The following CDH13 variants were observed in gnomAD, a reference collection of about 807,000 sequenced individuals.
CDH13 encodes the protein cadherin 13, also known as cadherin-13.
In CDH13, 24 loss-of-function variants were observed where a neutral mutation model predicts 63.8. The observed-to-expected ratio is 0.38, with a 90% CI of 0.27 to 0.53. The LOEUF is 0.53. Among genes scored for constraint, CDH13 ranks in the 20% least tolerant of loss-of-function variants. The probability of loss-of-function intolerance (pLI) is 0.85; values close to 1 mark genes in which losing one functional copy is unlikely to be tolerated. For missense variants in CDH13, 1,049 were observed against 903.1 expected (o/e 1.16, Z -2.07); for synonymous variants, 503 against 355.3 (o/e 1.42, Z -4.67).
intron 4 of CDH13, among the ~76,000 whole-genome samples, chr16:83,155,937 G>A (rs768243915): frequency 5.1e-4 from 77 of 152,176 alleles, no homozygotes; most frequent in Non-Finnish European, 8.8e-4. Context: ...AGTGACCCTG[G>A]AATCTTTGGG....
intron 6 of CDH13, among the ~76,000 whole-genome samples, chr16:83,426,010 T>C (rs1217925721): frequency 6.6e-6 from 1 of 152,212 alleles, no homozygotes; most frequent in Non-Finnish European, 1.5e-5. Context: ...GCAGTAGGGT[T>C]TCTTTTTAAG....
chr16:83,342,843 GTTTTTTTT>G (rs778316746), intron 5 of CDH13, among the ~76,000 whole-genome samples: 1 of 65,302 alleles, frequency 1.5e-5, no homozygotes, highest in African/African-American at 6.4e-5. Context: ...TTTTGTTTCT[GTTTTTTTT>G]TTTTTTTTTT....
chr16:83,454,098 G>C (rs976615247), intron 6 of CDH13, among the ~76,000 whole-genome samples: 1 of 152,168 alleles, frequency 6.6e-6, no homozygotes, highest in Non-Finnish European at 1.5e-5. Context: ...TGCATGTTCC[G>C]TGAAACACTA....
intron 7 of CDH13, among the ~76,000 whole-genome samples, chr16:83,546,312 C>A (rs550415568): frequency 6.6e-6 from 1 of 152,166 alleles, no homozygotes; most frequent in East Asian, 1.9e-4. Context: ...GTACTTTGTC[C>A]GGAATTCATG....
At chr16:83,203,962 G>A (rs938034909) in intron 4 of CDH13, among the ~76,000 whole-genome samples, 3 of 152,184 alleles carry the variant, frequency 2.0e-5, no homozygotes, top group African/African-American at 7.2e-5. Flanking sequence ...AGTTAAAGAT[G>A]TTCCTGCCAA....
intron 2 of CDH13, among the ~76,000 whole-genome samples, chr16:82,890,649 T>C: frequency 9.6e-6 from 1 of 104,204 alleles, no homozygotes; most frequent in Non-Finnish European, 2.0e-5. Context: ...TGAGAGACAT[T>C]CTTTTTTTTT....
chr16:82,682,728 G>C (rs1373628911), intron 1 of CDH13, among the ~76,000 whole-genome samples: 1 of 152,182 alleles, frequency 6.6e-6, no homozygotes, highest in East Asian at 1.9e-4. Flanking sequence ...TGCTAATGGA[G>C]ATAATTAATT....
In CDH13 at chr16:83,012,318, CTTTTT is replaced by C. The variant is rs33972456; in HGVS notation, c.158-19677_158-19673del. ...ATTTGGGGGTTGTTTGGTTTCTTTCCTTTTTTTTTTTTTTTTTTTGGCCCCTTTGC... is the reference window on the plus strand; with the variant it reads ...ATTTGGGGGTTGTTTGGTTTCTTTCCTTTTTTTTTTTTTTGGCCCCTTTGC... On this transcript the variant is annotated intron_variant, in intron 2 of 13. Transcript: ENST00000567109. Among the ~76,000 whole-genome samples, 164 of 121,080 alleles carry C rather than the reference CTTTTT, an allele frequency of 1.4e-3. 1 individual carries two copies. The highest frequency in any genetic ancestry group is 5.0e-3 in the African/African-American group (159 of 31,666). The allele number at this position is 121,080 out of a possible 152,430, so 79.4% of individuals were successfully genotyped here.
At chr16:83,144,374 C>T (rs2036658722) in intron 4 of CDH13, among the ~76,000 whole-genome samples, 1 of 152,074 alleles carries the variant, frequency 6.6e-6, no homozygotes, top group Non-Finnish European at 1.5e-5. Context: ...TTAGCTTTGC[C>T]CAAGCAGAAT....
intron 10 of CDH13, among the ~76,000 whole-genome samples, chr16:83,737,312 C>T (rs1200974578): frequency 6.6e-6 from 1 of 152,118 alleles, no homozygotes; most frequent in Non-Finnish European, 1.5e-5. Context: ...TGGTAAGTCT[C>T]GAAGTTTGAC....
chr16:83,367,430 A>G (rs935381418), intron 6 of CDH13, among the ~76,000 whole-genome samples: 3 of 152,200 alleles, frequency 2.0e-5, no homozygotes, highest in African/African-American at 7.2e-5. Context: ...CTTTTTGGCT[A>G]CTATGAATAA....
chr16:82,656,437 A>G (rs1486131197), intron 1 of CDH13, among the ~76,000 whole-genome samples: 1 of 152,136 alleles, frequency 6.6e-6, no homozygotes, highest in Non-Finnish European at 1.5e-5. Context: ...AGCAGGTTTA[A>G]GTTCACAGCA....
At chr16:83,041,498 A>G (rs1917326926) in intron 3 of CDH13, among the ~76,000 whole-genome samples, 1 of 152,158 alleles carries the variant, frequency 6.6e-6, no homozygotes, top group East Asian at 1.9e-4. Context: ...TATATCGTCA[A>G]TTGCCCAAAA....
chr16:83,776,593 G>A (rs1037627966), intron 11 of CDH13, among the ~76,000 whole-genome samples: 1 of 152,152 alleles, frequency 6.6e-6, no homozygotes, highest in African/African-American at 2.4e-5. Flanking sequence ...AAGAGTATCG[G>A]CTCGCACTTC....
intron 11 of CDH13, among the ~76,000 whole-genome samples, chr16:83,771,544 G>T (rs543237956): frequency 6.6e-6 from 1 of 152,196 alleles, no homozygotes; most frequent in Admixed American, 6.5e-5. Flanking sequence ...CAAAAGCACC[G>T]CCATGGTCTA....
chr16:83,620,022 G>T (rs890045130), intron 8 of CDH13, among the ~76,000 whole-genome samples: 3 of 151,958 alleles, frequency 2.0e-5, no homozygotes, highest in African/African-American at 7.3e-5. Context: ...GGCGGGAGGG[G>T]CCAGATCTCA....
chr16:83,572,035 G>A (rs370294880), intron 7 of CDH13, among the ~76,000 whole-genome samples: 10 of 152,168 alleles, frequency 6.6e-5, no homozygotes, highest in South Asian at 4.1e-4. Flanking sequence ...CACAGGTTGC[G>A]GTGAGAGTCA....
At chr16:83,397,936 A>G (rs1237072301) in intron 6 of CDH13, 1 of 152,204 alleles carries the variant, frequency 6.6e-6, no homozygotes, top group Non-Finnish European at 1.5e-5. Context: ...CTGCTGGGAG[A>G]CGCTAGTCTT....
At chr16:83,320,020 G>A (rs914072329) in intron 5 of CDH13, among the ~76,000 whole-genome samples, 2 of 152,162 alleles carry the variant, frequency 1.3e-5, no homozygotes. Context: ...TCACACCTCA[G>A]TTAGACTTGG....
Sources: gnomAD v4.1 joint callset for allele counts (sites outside exome capture counted in the v4.1 genomes callset) on GRCh38, gnomAD v4.1.1 for gene constraint, MANE v1.5 for transcripts, NCBI Gene and HGNC (gene_info 2026-07-23, HGNC 2026-07-21) for gene names.